PIK3R4: variants seen among roughly 807,000 people sequenced by gnomAD.
PIK3R4 encodes phosphoinositide 3-kinase regulatory subunit 4.
Under a neutral mutation model 136.5 loss-of-function variants are expected in PIK3R4, and 46 were observed. The ratio of observed to expected loss-of-function variants is 0.34; its 90% CI spans 0.27 to 0.43. The LOEUF (loss-of-function observed/expected upper bound fraction) is 0.43. PIK3R4 is among the 20% of genes least tolerant of loss of function. PIK3R4 has a pLI of 1.00. For missense variants in PIK3R4, 1,331 were observed against 1,649.5 expected (o/e 0.81, Z 3.35); for synonymous variants, 557 against 566.7 (o/e 0.98, Z 0.24).
Position 130,680,970 on chromosome 3 carries a change from A to C in PIK3R4, c.3797+7T>G, listed in dbSNP as rs1188495782. The C allele has an allele frequency of 7.3e-7, 1 of 1,369,934 alleles. No homozygotes were observed. Among genetic ancestry groups the C allele is most frequent in the Non-Finnish European group, 1.0e-6 (1 of 970,752 alleles). The allele number at this position is 1,369,934 out of a possible 1,614,324, so 84.9% of individuals were successfully genotyped here. A position where few individuals can be genotyped will look rare whatever the true frequency, so the allele number is the denominator to read the frequency against. The stretch of plus-strand genomic sequence containing the variant: ...ATCCATTTTATTAAAGTATTGAGAT[A>C]GTGTACCTTATTTTCATATCTGAGC... On this transcript the variant is annotated splice_region_variant and intron_variant, in intron 18 of 19. Transcript: ENST00000356763.
chr3:130,681,918 A>T (rs2108513949), intron 16 of PIK3R4, among the ~76,000 whole-genome samples: 1 of 152,308 alleles, frequency 6.6e-6, no homozygotes, highest in African/African-American at 2.4e-5. Flanking sequence ...CTTAGTTGAA[A>T]AAACAAGTCA....
chr3:130,691,779 G>GT (rs1233519479), intron 13 of PIK3R4, among the ~76,000 whole-genome samples: 1 of 146,910 alleles, frequency 6.8e-6, no homozygotes, highest in Non-Finnish European at 1.5e-5. Flanking sequence ...CCTTCAAAAG[G>GT]TTTTCTATAC....
intron 5 of PIK3R4, among the ~76,000 whole-genome samples, chr3:130,729,856 G>A (rs1405375068): frequency 6.6e-6 from 1 of 152,028 alleles, no homozygotes; most frequent in Non-Finnish European, 1.5e-5. Context: ...CCTAAGACAA[G>A]GACTTTGACA....
chr3:130,738,906 G>T (rs1487146324), intron 2 of PIK3R4, among the ~76,000 whole-genome samples: 2 of 152,196 alleles, frequency 1.3e-5, no homozygotes, highest in Admixed American at 1.3e-4. Context: ...ACAGCAGAAT[G>T]CTGAGGTCCT....
rs774016992 is a variant in PIK3R4 at position 130,730,307 on chromosome 3, C to T, written c.1585+1G>A. 7 of 1,583,842 alleles carry T rather than the reference C, an allele frequency of 4.4e-6. No homozygotes were observed. Among genetic ancestry groups the T allele is most frequent in the Non-Finnish European group, 6.0e-6 (7 of 1,167,928 alleles). On this transcript the variant is annotated splice_donor_variant, in intron 5 of 19. Transcript: ENST00000356763. LOFTEE classifies it high-confidence loss of function. Reference sequence around the variant, plus strand: ...AAATCTGGAAGAGAAAATTATACAACCTGTGTCATAATTTCCATTTGGATG... The same window carrying T: ...AAATCTGGAAGAGAAAATTATACAATCTGTGTCATAATTTCCATTTGGATG...
intron 2 of PIK3R4, among the ~76,000 whole-genome samples, chr3:130,736,379 G>A (rs2066785672): frequency 6.6e-6 from 1 of 152,128 alleles, no homozygotes; most frequent in Non-Finnish European, 1.5e-5. Context: ...GACCAGCCTG[G>A]TCAACATGAT....
chr3:130,720,353 G>A (rs910087210), intron 7 of PIK3R4, among the ~76,000 whole-genome samples: 1 of 152,030 alleles, frequency 6.6e-6, no homozygotes, highest in African/African-American at 2.4e-5. Context: ...GCGCTGCCAA[G>A]CCTGGCTAAT....
intron 2 of PIK3R4, among the ~76,000 whole-genome samples, chr3:130,741,160 G>C (rs1162972425): frequency 6.6e-6 from 1 of 152,146 alleles, no homozygotes; most frequent in Non-Finnish European, 1.5e-5. Flanking sequence ...TTTGTAGGCA[G>C]AGCCTTTAAG....
At chr3:130,704,803 G>A (rs1286887809) in intron 12 of PIK3R4, among the ~76,000 whole-genome samples, 6 of 151,784 alleles carry the variant, frequency 4.0e-5, no homozygotes, top group Non-Finnish European at 8.8e-5. Flanking sequence ...TAGAGGTGAT[G>A]TTGTTTTCTT....
At chr3:130,708,650 A>G (rs1463398387) in intron 9 of PIK3R4, among the ~76,000 whole-genome samples, 158 bp from the exon 10 acceptor site, 1 of 152,158 alleles carries the variant, frequency 6.6e-6, no homozygotes, top group Admixed American at 6.5e-5. Context: ...TAAAGTTAAC[A>G]ATACAGAATG....
Position 130,686,249 on chromosome 3 carries a change from G to A in PIK3R4, c.3437C>T (p.Ser1146Phe). The A allele has an allele frequency of 2.5e-6, 4 of 1,613,424 alleles. No homozygotes were observed. Among genetic ancestry groups the A allele is most frequent in the Non-Finnish European group, 3.4e-6 (4 of 1,179,442 alleles). ...KHDLKSGLIT[S>F]FAVDIHQCWL... ...GCATTGGTGGATGTCCACAGCAAAG[G>A]AAGTGATGAGGCCCGACTTTAAATC... The change falls in exon 15 of 20, where the codon TCC becomes TTC. Residue 1146 changes from serine to phenylalanine, a missense_variant. Transcript: ENST00000356763.
intron 15 of PIK3R4, among the ~76,000 whole-genome samples, chr3:130,685,334 C>G (rs867619493): frequency 6.6e-6 from 1 of 152,010 alleles, no homozygotes; most frequent in Non-Finnish European, 1.5e-5. Context: ...TTAATCATCC[C>G]ACAATTAATA....
intron 15 of PIK3R4, 81 bp downstream of exon 15, chr3:130,686,130 G>GA: frequency 1.2e-6 from 1 of 815,412 alleles, no homozygotes; most frequent in Non-Finnish European, 2.1e-6. Context: ...GAACAAAGAG[G>GA]AAAAAACTGA....
At chr3:130,680,894 A>AT in intron 18 of PIK3R4, 83 bp downstream of exon 18, 3 of 798,732 alleles carry the variant, frequency 3.8e-6, no homozygotes, top group Non-Finnish European at 6.2e-6. Flanking sequence ...TTATAAGATG[A>AT]TTTTAAACAT....
intron 2 of PIK3R4, among the ~76,000 whole-genome samples, chr3:130,742,988 T>G (rs924000838): frequency 1.3e-5 from 2 of 152,336 alleles, no homozygotes; most frequent in South Asian, 2.1e-4. Context: ...TCATTAAATT[T>G]TTTAAGGGTA....
In PIK3R4 at chr3:130,715,605, AT is replaced by A. The variant is rs199507679; in HGVS notation, c.2331+790del. Among the ~76,000 whole-genome samples, 1,285 of 150,294 alleles carry A rather than the reference AT, an allele frequency of 8.5e-3. 19 individuals carry two copies. The highest frequency in any genetic ancestry group is 0.053 in the East Asian group (270 of 5,106). On this transcript the variant is annotated intron_variant, in intron 9 of 19. Transcript: ENST00000356763. Reference sequence around the variant, plus strand: ...TATCCTTTGCCCACTTTTTGATGGGATTTTTTTTTCTTGTAAATATGTTTAA... The same window carrying A: ...TATCCTTTGCCCACTTTTTGATGGGATTTTTTTTCTTGTAAATATGTTTAA...
chr3:130,734,252 A>T, intron 3 of PIK3R4, 122 bp from the exon 4 acceptor site: 1 of 720,480 alleles, frequency 1.4e-6, no homozygotes, highest in Non-Finnish European at 2.3e-6. Context: ...CTGCTAAGTG[A>T]TTTGTGACTC....
At chr3:130,706,097 A>G (rs1244094639) in intron 11 of PIK3R4, among the ~76,000 whole-genome samples, 1 of 152,212 alleles carries the variant, frequency 6.6e-6, no homozygotes, top group Non-Finnish European at 1.5e-5. Flanking sequence ...ATCTGGTTCA[A>G]TTAATGTTTT....
intron 6 of PIK3R4, among the ~76,000 whole-genome samples, chr3:130,724,538 T>C (rs553602264): frequency 5.3e-4 from 80 of 152,190 alleles, no homozygotes; most frequent in Non-Finnish European, 1.0e-3. Context: ...CATTGTGTTA[T>C]AGAACAGAAT....
Sources: gnomAD v4.1 joint callset for allele counts (sites outside exome capture counted in the v4.1 genomes callset) on GRCh38, gnomAD v4.1.1 for gene constraint, MANE v1.5 for transcripts, NCBI Gene and HGNC (gene_info 2026-07-23, HGNC 2026-07-21) for gene names.